The following AP3B1 variants were observed in gnomAD, a reference collection of about 807,000 sequenced individuals.
AP3B1 encodes the protein adaptor related protein complex 3 subunit beta 1, also known as AP-3 complex subunit beta-1.
Under a neutral mutation model 132.5 loss-of-function variants are expected in AP3B1, and 61 were observed. That is an observed-to-expected ratio of 0.46 (90% CI 0.37 to 0.57). The LOEUF is 0.57. Among genes scored for constraint, AP3B1 ranks in the 20% least tolerant of loss-of-function variants. The probability of loss-of-function intolerance (pLI) is 0.00; values close to 1 mark genes in which losing one functional copy is unlikely to be tolerated. For synonymous variants in AP3B1, 388 were observed against 438.3 expected (o/e 0.89, Z 1.43); for missense variants, 1,120 against 1,289.4 (o/e 0.87, Z 2.01).
chr5:78,227,493 G>A lies in AP3B1; in HGVS notation c.415C>T (p.Leu139=), dbSNP rs1746445573. 7 of 1,613,766 alleles carry A rather than the reference G, an allele frequency of 4.3e-6. No individual in the cohort carries two copies. Among genetic ancestry groups the A allele is most frequent in the Non-Finnish European group, 5.1e-6 (6 of 1,179,774 alleles). ...ATAATTGGCACTCTAATACTTGACA[G>A]AACTCTCAAAGCGCTTGCACGAATT... ...QLIRASALRV[L]SSIRVPIIVP... is the part of the protein sequence containing the mutation. Residue 139 remains leucine, a synonymous_variant, in exon 5 of 27, where the codon CTG becomes TTG. Coordinates refer to ENST00000255194, the MANE Select transcript of AP3B1 (RefSeq NM_003664.5).
At position 78,250,532 on chromosome 5, in the gene AP3B1, C is replaced by A. The variant is rs371060349; in HGVS notation, c.205-9596G>T. Among the ~76,000 whole-genome samples, 175 of 152,160 alleles carry A rather than the reference C, an allele frequency of 1.2e-3. 5 individuals carry two copies. In the South Asian group the frequency reaches 0.035, roughly 31 times the overall value. On this transcript the variant is annotated intron_variant, in intron 2 of 26. Transcript: ENST00000255194. ...GATCTTATGAATTTAGAGCCTACAA[C>A]AGAACCAATTTCAAACAGAAATTCT...
At chr5:78,027,432 T>G (rs1044127648) in intron 24 of AP3B1, among the ~76,000 whole-genome samples, 2 of 152,042 alleles carry the variant, frequency 1.3e-5, no homozygotes, top group African/African-American at 2.4e-5. Flanking sequence ...CAATATCAAT[T>G]ACACAGAATA....
At position 78,097,586 on chromosome 5, in the gene AP3B1, G is replaced by A. The variant is rs1348390762; in HGVS notation, c.2470+3367C>T. Among the ~76,000 whole-genome samples the A allele has an allele frequency of 1.4e-4, 18 of 128,520 alleles. 2 individuals are homozygous for A. Among genetic ancestry groups the A allele is most frequent in the Admixed American group, 7.2e-4 (9 of 12,574 alleles). The allele number at this position is 128,520 out of a possible 152,430, so 84.3% of individuals were successfully genotyped here. ...GGGTCAGCCCCCCGCCCGGCCAGCC[G>A]CCCCGTCCGGGAGGGAGGTGGGGGG... On this transcript the variant is annotated intron_variant, in intron 21 of 26. Transcript: ENST00000255194.
chr5:78,029,461 G>C (rs1432905060), intron 24 of AP3B1, among the ~76,000 whole-genome samples: 1 of 151,880 alleles, frequency 6.6e-6, no homozygotes, highest in East Asian at 1.9e-4. Flanking sequence ...TTCTCTCTTA[G>C]GGAGGTTTCT....
intron 2 of AP3B1, among the ~76,000 whole-genome samples, chr5:78,252,587 C>T (rs146390644): frequency 6.6e-6 from 1 of 152,338 alleles, no homozygotes; most frequent in Non-Finnish European, 1.5e-5. Context: ...TCTGGCAGTA[C>T]TCTTTGTGGC....
At chr5:78,230,930 C>A (rs772069640) in intron 3 of AP3B1, among the ~76,000 whole-genome samples, 2 of 151,872 alleles carry the variant, frequency 1.3e-5, no homozygotes, top group African/African-American at 2.4e-5. Context: ...CCAGTATGGC[C>A]AACATGGTGA....
chr5:78,219,169 G>C (rs1035707823), intron 6 of AP3B1, among the ~76,000 whole-genome samples: 3 of 151,896 alleles, frequency 2.0e-5, no homozygotes, highest in African/African-American at 7.2e-5. Flanking sequence ...ACATAAATCA[G>C]TTTTTCAGCA....
intron 3 of AP3B1, among the ~76,000 whole-genome samples, chr5:78,239,850 A>C (rs1401623915): frequency 6.6e-6 from 1 of 152,084 alleles, no homozygotes; most frequent in African/African-American, 2.4e-5. Flanking sequence ...AACACTATCA[A>C]TCACATTTAG....
rs148491080 is a variant in AP3B1, at chr5:78,264,135, C to T, written c.204+3385G>A. ...AAGGATGCATTTCTCAGAAAGCATC[C>T]CTGTCATTCAGCGATGCATGACTCT... On this transcript the variant is annotated intron_variant, in intron 2 of 26. Coordinates refer to ENST00000255194, the MANE Select transcript of AP3B1 (RefSeq NM_003664.5). Among the ~76,000 whole-genome samples, 251 of 152,144 alleles carry T rather than the reference C, an allele frequency of 1.6e-3. 2 individuals are homozygous for T. Among genetic ancestry groups the T allele is most frequent in the African/African-American group, 5.8e-3 (242 of 41,508 alleles).
chr5:78,179,042 T>C (rs796102931), intron 8 of AP3B1, among the ~76,000 whole-genome samples: 35 of 152,298 alleles, frequency 2.3e-4, no homozygotes, highest in African/African-American at 8.4e-4. Flanking sequence ...CAAGAATATC[T>C]CATTTCTTCA....
chr5:78,290,533 GAATT>G (rs1348867904), intron 1 of AP3B1, among the ~76,000 whole-genome samples: 10 of 152,110 alleles, frequency 6.6e-5, no homozygotes, highest in Admixed American at 6.5e-4. Context: ...TCCAGTAACA[GAATT>G]ATTAAAATTA....
At chr5:78,142,434 C>T (rs754858757) in intron 14 of AP3B1, among the ~76,000 whole-genome samples, 5 of 152,030 alleles carry the variant, frequency 3.3e-5, no homozygotes, top group Admixed American at 6.6e-5. Flanking sequence ...GGTGGCATCA[C>T]GAGGAAAGAT....
intron 22 of AP3B1, among the ~76,000 whole-genome samples, chr5:78,051,186 G>A (rs1021163665): frequency 2.0e-5 from 3 of 152,212 alleles, no homozygotes; most frequent in African/African-American, 4.8e-5. Context: ...TCTACTTAGC[G>A]CTTACTGAAA....
At chr5:78,026,644 G>A (rs928117704) in intron 24 of AP3B1, among the ~76,000 whole-genome samples, 3 of 151,998 alleles carry the variant, frequency 2.0e-5, no homozygotes, top group African/African-American at 4.8e-5. Context: ...ATCTATTTCC[G>A]TACAAGCACA....
intron 2 of AP3B1, among the ~76,000 whole-genome samples, chr5:78,253,199 G>A (rs1747712282): frequency 6.6e-6 from 1 of 152,206 alleles, no homozygotes; most frequent in Non-Finnish European, 1.5e-5. Flanking sequence ...AGCCAATATA[G>A]CTTAGATCAC....
chr5:78,067,366 C>T (rs1749337282), intron 22 of AP3B1, among the ~76,000 whole-genome samples: 1 of 152,148 alleles, frequency 6.6e-6, no homozygotes, highest in South Asian at 2.1e-4. Context: ...ATCATCGAGA[C>T]ACAAAATTTA....
intron 2 of AP3B1, among the ~76,000 whole-genome samples, chr5:78,244,637 G>A (rs1474742639): frequency 6.6e-6 from 1 of 152,098 alleles, no homozygotes; most frequent in Non-Finnish European, 1.5e-5. Context: ...AAAGGGATGA[G>A]ATCACTACAG....
intron 2 of AP3B1, among the ~76,000 whole-genome samples, chr5:78,253,377 G>C (rs2112539522): frequency 6.6e-6 from 1 of 152,280 alleles, no homozygotes; most frequent in South Asian, 2.1e-4. Flanking sequence ...CAGCATTATT[G>C]GGCTTGGGGC....
Position 78,002,417 on chromosome 5 carries a change from A to G in AP3B1, c.*485T>C, listed in dbSNP as rs1172016011. On this transcript the variant is annotated 3_prime_UTR_variant, in exon 27 of 27. Coordinates refer to ENST00000255194, the MANE Select transcript of AP3B1 (RefSeq NM_003664.5). ...AATCAATTACAATATCAAGAAATTC[A>G]AAGAACAAAATCTTGCAGAGACTAT... 2.5e-6 allele frequency: 1 copy of G among 399,730 alleles called. No homozygotes were observed. The highest frequency in any genetic ancestry group is 2.1e-5 in the African/African-American group (1 of 48,604). 24.8% of individuals were successfully genotyped at this position (399,730 alleles called of 1,614,324 possible).
Sources: gnomAD v4.1 joint callset for allele counts (sites outside exome capture counted in the v4.1 genomes callset) on GRCh38, gnomAD v4.1.1 for gene constraint, MANE v1.5 for transcripts, NCBI Gene and HGNC (gene_info 2026-07-23, HGNC 2026-07-21) for gene names.